Variants in SPG7 observed in about 807,000 individuals in gnomAD.
SPG7 encodes mitochondrial inner membrane m-AAA protease component paraplegin.
A neutral mutation model predicts 81.9 loss-of-function variants in SPG7; 103 were observed. That is an observed-to-expected ratio of 1.26 (90% CI 1.07 to 1.48). The LOEUF is 1.48. Ranked by LOEUF, SPG7 falls within the 40% of genes most tolerant of loss-of-function variation. SPG7 has a pLI of 0.00. For missense variants in SPG7, 1,241 were observed against 1,087.3 expected, an observed-to-expected ratio of 1.14 and a Z score of -1.99; for synonymous variants, 534 against 444.2, an observed-to-expected ratio of 1.20 and a Z score of -2.54.
At chr16:89,539,774 C>T (rs1312873878) in intron 9 of SPG7, 1 of 152,030 alleles carries the variant, frequency 6.6e-6, no homozygotes, top group East Asian at 1.9e-4. Flanking sequence ...GGGGTCTCAC[C>T]TTGTTGCCCA....
intron 12 of SPG7, chr16:89,548,978 A>C (rs754300123): frequency 1.5e-5 from 7 of 455,210 alleles, no homozygotes; most frequent in South Asian, 1.1e-4. Context: ...CGCCTCTTGC[A>C]GGTCCCCAGG....
In SPG7 at chr16:89,532,205, G is replaced by A. The variant is rs1053338166; in HGVS notation, c.1150+139G>A. On this transcript the variant is annotated intron_variant, in intron 8 of 16. Coordinates refer to ENST00000645818, the MANE Select transcript of SPG7 (RefSeq NM_003119.4). ...GAAGGAAAGCGAGGTCTGGGTTGGC[G>A]GAGGGGTTTTGTCTGCGAAGCACAT... is the stretch of plus-strand genomic sequence containing the variant. 4.6e-5 allele frequency: 48 copies of A among 1,036,600 alleles called. No homozygotes were observed. In the Middle Eastern group the frequency reaches 1.2e-3, roughly 26 times the overall value. 64.2% of individuals were successfully genotyped at this position (1,036,600 alleles called of 1,614,324 possible). A position where few individuals can be genotyped will look rare whatever the true frequency, so the allele number is the denominator to read the frequency against.
At chr16:89,515,708 TA>T (rs201040987) in intron 3 of SPG7, among the ~76,000 whole-genome samples, 2,011 of 148,592 alleles carry the variant, frequency 0.014, 47 homozygotes, top group African/African-American at 0.046. Context: ...TTACTATTAT[TA>T]TTATTATTTT....
chr16:89,539,788 T>G (rs1479582684), intron 9 of SPG7: 3 of 152,172 alleles, frequency 2.0e-5, no homozygotes, highest in Non-Finnish European at 4.4e-5. Context: ...TTGCCCAGCC[T>G]GCTCTTGAAC....
intron 9 of SPG7, chr16:89,536,696 T>C: frequency 6.3e-7 from 1 of 1,591,614 alleles, no homozygotes; most frequent in South Asian, 1.1e-5. Context: ...GCGGCTGCGC[T>C]GCTCTGGCTG....
rs1260839969 is a variant in SPG7 at position 89,557,532 on chromosome 16, G to C, written c.*439G>C. The C allele has an allele frequency of 2.7e-5, 6 of 219,610 alleles. No individual in the cohort carries two copies. In the South Asian group the frequency reaches 3.8e-4, roughly 14 times the overall value. The allele number at this position is 219,610 out of a possible 1,614,324, so 13.6% of individuals were successfully genotyped here. ...CGGACATGAAAGGACCCTGTGAGCC[G>C]ATTGTCCTATCTCCAGCGGCCCTGT... is the stretch of plus-strand genomic sequence containing the variant. On this transcript the variant is annotated 3_prime_UTR_variant, in exon 17 of 17. Transcript: ENST00000645818.
chr16:89,510,332 T>C (rs899097244), intron 1 of SPG7, among the ~76,000 whole-genome samples, 158 bp from the exon 2 acceptor site: 14 of 152,200 alleles, frequency 9.2e-5, no homozygotes, highest in African/African-American at 3.1e-4. Context: ...ACCTAAAGCT[T>C]TGACCTATTG....
intron 4 of SPG7, among the ~76,000 whole-genome samples, chr16:89,525,187 T>C (rs1467757968): frequency 2.0e-5 from 3 of 152,100 alleles, no homozygotes; most frequent in Non-Finnish European, 1.5e-5. Context: ...AGGCTGGTCT[T>C]GAACTCCTGG....
In SPG7 at chr16:89,550,440, T is replaced by G. The variant is rs371872451; in HGVS notation, c.1664-54T>G. ...CGCCCGCCTTGGCCTCCCACAGCGCTGGGATTACAGGCGTGAGCCACCGCG... is the reference window on the plus strand; with the variant it reads ...CGCCCGCCTTGGCCTCCCACAGCGCGGGGATTACAGGCGTGAGCCACCGCG... On this transcript the variant is annotated intron_variant, in intron 12 of 16. Coordinates refer to ENST00000645818, the MANE Select transcript of SPG7 (RefSeq NM_003119.4). 296 of 1,306,680 alleles carry G rather than the reference T, an allele frequency of 2.3e-4. 4 individuals are homozygous for G. The East Asian group carries it at 3.5e-3, about 16-fold the overall frequency. 80.9% of individuals were successfully genotyped at this position (1,306,680 alleles called of 1,614,324 possible). A position where few individuals can be genotyped will look rare whatever the true frequency, so the allele number is the denominator to read the frequency against.
chr16:89,511,224 A>G (rs1330035825), intron 2 of SPG7, among the ~76,000 whole-genome samples: 1 of 152,194 alleles, frequency 6.6e-6, no homozygotes, highest in Non-Finnish European at 1.5e-5. Context: ...AGTCAGCTGC[A>G]AGAATGTTTA....
chr16:89,547,420 C>G (rs887785507), intron 11 of SPG7: 15 of 180,154 alleles, frequency 8.3e-5, no homozygotes, highest in African/African-American at 1.4e-4. Flanking sequence ...GGTTCTGTGT[C>G]TCGTCTGTGG....
chr16:89,532,486 A>T lies in SPG7; in HGVS notation c.1174A>T (p.Ser392Cys). ...IGGLGAARVR[S>C]LFKEARARAP... The stretch of plus-strand genomic sequence containing the variant: ...AGGCCTCGGCGCTGCCCGTGTGCGG[A>T]GCCTCTTTAAGGAAGCCCGAGCCCG... Residue 392 changes from serine to cysteine, a missense_variant, in exon 9 of 17, where the codon AGC becomes TGC. Coordinates refer to ENST00000645818, the MANE Select transcript of SPG7 (RefSeq NM_003119.4). The T allele has an allele frequency of 6.2e-7, 1 of 1,613,494 alleles. No homozygotes were observed. Among genetic ancestry groups the T allele is most frequent in the African/African-American group, 1.3e-5 (1 of 75,018 alleles).
Position 89,550,529 on chromosome 16 carries a change from G to C in SPG7, c.1699G>C (p.Glu567Gln), listed in dbSNP as rs577389704. The C allele has an allele frequency of 1.2e-6, 2 of 1,613,986 alleles. No homozygotes were observed. The highest frequency in any genetic ancestry group is 3.3e-5 in the Admixed American group (2 of 60,036). ...AKKSKILSKEEQKVVAFHESG... is the reference protein window; with the variant it reads ...AKKSKILSKEQQKVVAFHESG... ...AAAGAGCAAGATCCTGTCCAAGGAA[G>C]AACAGAAAGTGGTTGCGTTTCATGA... The change falls in exon 13 of 17, where the codon GAA becomes CAA. Residue 567 changes from glutamate (E) to glutamine (Q), a missense_variant. By Grantham distance (29) the Glu-to-Gln change is conservative. Transcript: ENST00000645818.
chr16:89,531,998 C>A lies in SPG7; in HGVS notation c.1082C>A (p.Ala361Glu). ...PGCGKTLLAKAVATEAQVPFL... is the reference protein window; with the variant it reads ...PGCGKTLLAKEVATEAQVPFL... Reference sequence around the variant, plus strand: ...TGTGGGAAGACGCTGCTGGCCAAGGCGGTGGCCACGGAGGCTCAGGTGCCC... The same window carrying A: ...TGTGGGAAGACGCTGCTGGCCAAGGAGGTGGCCACGGAGGCTCAGGTGCCC... Residue 361 changes from alanine (A) to glutamate (E), a missense_variant, in exon 8 of 17, where the codon GCG (alanine) becomes GAG (glutamate). Physicochemically the swap from Ala to Glu is moderately radical, Grantham distance 107 (BLOSUM62 -1). Transcript: ENST00000645818. 1 of 1,613,906 alleles carries A rather than the reference C, an allele frequency of 6.2e-7. No homozygotes were observed. The highest frequency in any genetic ancestry group is 1.3e-5 in the African/African-American group (1 of 75,050).
chr16:89,546,415 C>T (rs1231580302), intron 10 of SPG7: 7 of 471,054 alleles, frequency 1.5e-5, no homozygotes, highest in South Asian at 3.9e-5. Flanking sequence ...TGGTGGCTCA[C>T]GCCTGTAACC....
intron 3 of SPG7, among the ~76,000 whole-genome samples, chr16:89,513,500 G>A (rs148788182): frequency 1.7e-3 from 252 of 149,934 alleles, no homozygotes; most frequent in African/African-American, 5.9e-3. Context: ...TGAGCAACAA[G>A]AGCAAAACTC....
At chr16:89,528,316 C>T (rs145341081) in intron 5 of SPG7, among the ~76,000 whole-genome samples, 3,805 of 150,982 alleles carry the variant, frequency 0.025, 163 homozygotes, top group African/African-American at 0.088. Flanking sequence ...GGCGTGAACC[C>T]GGGAGGCGGA....
At chr16:89,535,191 G>A (rs905052046) in intron 9 of SPG7, among the ~76,000 whole-genome samples, 12 of 152,334 alleles carry the variant, frequency 7.9e-5, no homozygotes, top group Middle Eastern at 3.4e-3. Context: ...CAGTGTCGCT[G>A]CACCTGTCGC....
intron 7 of SPG7, 87 bp from the exon 8 acceptor site, chr16:89,531,817 C>G: frequency 7.1e-7 from 1 of 1,403,378 alleles, no homozygotes; most frequent in Non-Finnish European, 1.0e-6. Context: ...GCACTCCAGC[C>G]TGCGTGACCC....
Sources: gnomAD v4.1 joint callset for allele counts (sites outside exome capture counted in the v4.1 genomes callset) on GRCh38, gnomAD v4.1.1 for gene constraint, MANE v1.5 for transcripts, NCBI Gene and HGNC (gene_info 2026-07-23, HGNC 2026-07-21) for gene names.